SELENOS: variants seen among roughly 807,000 people sequenced by gnomAD.
SELENOS encodes the protein selenoprotein S, also known as VCP interacting membrane selenoprotein.
SELENOS carries 37 observed loss-of-function variants against 30.2 expected under a neutral mutation model. That is an observed-to-expected ratio of 1.23 (90% CI 0.94 to 1.61). SELENOS has a LOEUF of 1.61. Ranked by LOEUF, SELENOS falls within the 40% of genes most tolerant of loss-of-function variation. SELENOS has a pLI of 0.00. For missense variants in SELENOS, 289 were observed against 231.8 expected (o/e 1.25, Z -1.60); for synonymous variants, 119 against 91.6 (o/e 1.30, Z -1.71).
At position 101,272,649 on chromosome 15, in the gene SELENOS, T is replaced by G. The variant is rs1375620314; in HGVS notation, c.*122A>C. 1.0e-6 allele frequency: 1 copy of G among 999,554 alleles called. No homozygotes were observed. The highest frequency in any genetic ancestry group is 1.5e-5 in the South Asian group (1 of 66,698). 61.9% of individuals were successfully genotyped at this position (999,554 alleles called of 1,614,324 possible). On this transcript the variant is annotated 3_prime_UTR_variant, in exon 6 of 6. Coordinates refer to ENST00000526049, the MANE Select transcript of SELENOS (RefSeq NM_018445.6). Reference sequence around the variant, plus strand: ...GGAGCCCTGACATATGCAGGTGTAGTTAGGAACAGAAATCAACCCCACCTC... The same window carrying G: ...GGAGCCCTGACATATGCAGGTGTAGGTAGGAACAGAAATCAACCCCACCTC...
downstream of SELENOS, chr15:101,271,364 G>C (rs764448632): frequency 2.0e-5 from 3 of 152,184 alleles, no homozygotes; most frequent in Non-Finnish European, 2.9e-5. Context: ...AGGGGAGTGA[G>C]GGTCCCAGGG....
chr15:101,276,375 A>T, intron 2 of SELENOS, 166 bp downstream of exon 2: 1 of 874,888 alleles, frequency 1.1e-6, no homozygotes. Flanking sequence ...CAGCCTCCTG[A>T]GCAGCTGGGA....
At chr15:101,271,006 T>C (rs1378466472), downstream of SELENOS, 2 of 152,232 alleles carry the variant, frequency 1.3e-5, no homozygotes, top group Non-Finnish European at 2.9e-5. Context: ...TCACATCTAA[T>C]AGTGTACTTA....
chr15:101,275,795 T>G (rs993614590), intron 2 of SELENOS, among the ~76,000 whole-genome samples: 7 of 151,992 alleles, frequency 4.6e-5, no homozygotes, highest in African/African-American at 1.7e-4. Flanking sequence ...TCTTAAGTAT[T>G]TGTTTCTACA....
At chr15:101,270,871 C>G (rs1279424656), downstream of SELENOS, 4 of 152,176 alleles carry the variant, frequency 2.6e-5, no homozygotes, top group Non-Finnish European at 5.9e-5. Context: ...CCTCCATTAT[C>G]TCCTAATCAT....
Position 101,272,839 on chromosome 15 carries a change from C to T in SELENOS, c.502G>A (p.Gly168Ser). 1 of 1,608,754 alleles carries T rather than the reference C, an allele frequency of 6.2e-7. No homozygotes were observed. The highest frequency in any genetic ancestry group is 8.5e-7 in the Non-Finnish European group (1 of 1,177,634). The change falls in exon 6 of 6, where the codon GGT (glycine) becomes AGT (serine). Residue 168 changes from glycine (G) to serine (S), a missense_variant. Gly to Ser is a moderately conservative substitution (Grantham distance 56). Transcript: ENST00000526049. The part of the protein sequence containing the change: ...LRGGGYNPLS[G>S]EGGGACSWRP... ...CAGGAGCAAGCTCCGCCTCCTTCAC[C>T]AGACAACGGGTTATAACCTGGGAGG...
chr15:101,272,736 T>A lies in SELENOS; in HGVS notation c.*35A>T, dbSNP rs754150642. The A allele has an allele frequency of 1.3e-6, 2 of 1,574,782 alleles. No individual in the cohort carries two copies. Among genetic ancestry groups the A allele is most frequent in the Non-Finnish European group, 1.7e-6 (2 of 1,158,816 alleles). On this transcript the variant is annotated 3_prime_UTR_variant, in exon 6 of 6. Transcript: ENST00000526049. ...AATTGAATCGAGGGTTAAGGGTTCA[T>A]CTTGCTAATGTCAAAAGTGACACTA...
Position 101,277,365 on chromosome 15 carries a change from C to A in SELENOS, c.53G>T (p.Gly18Val). Residue 18 changes from glycine (G) to valine (V), a missense_variant, in exon 1 of 6, where the codon GGG becomes GTG. Transcript: ENST00000526049. ...ACCCGTGGTGTGCAGGAAGCGCAGC[C>A]CCTCGGTCTCCAGGGCCGGCCGCGC... ...LSARPALETEGLRFLHTTVGS... is the reference protein window; with the variant it reads ...LSARPALETEVLRFLHTTVGS... 1 of 1,513,632 alleles carries A rather than the reference C, an allele frequency of 6.6e-7. No homozygotes were observed. Among genetic ancestry groups the A allele is most frequent in the Non-Finnish European group, 8.8e-7 (1 of 1,138,652 alleles). The allele number at this position is 1,513,632 out of a possible 1,614,324, so 93.8% of individuals were successfully genotyped here. A position where few individuals can be genotyped will look rare whatever the true frequency, so the allele number is the denominator to read the frequency against.
chr15:101,276,908 G>GC, intron 1 of SELENOS: 1 of 555,486 alleles, frequency 1.8e-6, no homozygotes, highest in Non-Finnish European at 3.2e-6. Context: ...CAGTTAGAGT[G>GC]TGGAGGGCAC....
chr15:101,276,384 G>T, intron 2 of SELENOS, 157 bp downstream of exon 2: 1 of 983,124 alleles, frequency 1.0e-6, no homozygotes, highest in Non-Finnish European at 1.4e-6. Context: ...GAGCAGCTGG[G>T]ACTACAGGTG....
Position 101,274,288 on chromosome 15 carries a change from T to C in SELENOS, c.484+132A>G, listed in dbSNP as rs997097973. 8 of 1,054,666 alleles carry C rather than the reference T, an allele frequency of 7.6e-6. No homozygotes were observed. In the African/African-American group the frequency reaches 9.5e-5, roughly 13 times the overall value. 65.3% of individuals were successfully genotyped at this position (1,054,666 alleles called of 1,614,324 possible). On this transcript the variant is annotated intron_variant, in intron 5 of 5. Transcript: ENST00000526049. ...GGAGGTGATTTGCATCTGTTTCCTT[T>C]ATTGAATCTTCACAATCCTAAGGAA...
chr15:101,276,752 A>G (rs1200069802), intron 1 of SELENOS, 77 bp from the exon 2 acceptor site: 19 of 1,521,438 alleles, frequency 1.2e-5, no homozygotes, highest in Non-Finnish European at 1.5e-5. Context: ...AACAAACACA[A>G]AGTGTAACTC....
intron 1 of SELENOS, 141 bp from the exon 2 acceptor site, chr15:101,276,816 C>G (rs2039333370): frequency 1.1e-6 from 1 of 936,522 alleles, no homozygotes; most frequent in African/African-American, 1.7e-5. Flanking sequence ...CTAAGTAGAT[C>G]GTTAAAACAC....
At position 101,275,285 on chromosome 15, in the gene SELENOS, T is replaced by C; in HGVS notation, c.288A>G (p.Gln96=). The part of the protein sequence containing the change: ...RLKMQEELNA[Q]VEKHKEKLKQ... Reference sequence around the variant, plus strand: ...TCAGTTTTTCCTTATGCTTTTCAACTTGCGCATTTAGTTCTTCTTGCATTT... The same window carrying C: ...TCAGTTTTTCCTTATGCTTTTCAACCTGCGCATTTAGTTCTTCTTGCATTT... The change falls in exon 3 of 6, where the codon CAA becomes CAG. Residue 96 remains glutamine (Q), a synonymous_variant. Coordinates refer to ENST00000526049, the MANE Select transcript of SELENOS (RefSeq NM_018445.6). 6.4e-7 allele frequency: 1 copy of C among 1,572,956 alleles called. No homozygotes were observed. Among genetic ancestry groups the C allele is most frequent in the South Asian group, 1.2e-5 (1 of 84,856 alleles).
intron 2 of SELENOS, among the ~76,000 whole-genome samples, chr15:101,276,242 CTTTTTTT>C (rs34035984): frequency 1.6e-5 from 2 of 122,498 alleles, no homozygotes; most frequent in South Asian, 2.6e-4. Flanking sequence ...ATACTTCCTA[CTTTTTTT>C]TTTTTTTTTT....
intron 2 of SELENOS, 159 bp downstream of exon 2, chr15:101,276,382 G>C (rs1011847410): frequency 1.1e-6 from 1 of 950,990 alleles, no homozygotes; most frequent in Non-Finnish European, 1.5e-6. Flanking sequence ...CTGAGCAGCT[G>C]GGACTACAGG....
chr15:101,276,488 A>G lies in SELENOS; in HGVS notation c.211+53T>C. Reference sequence around the variant, plus strand: ...TACTTTTACTAAGAGACTAACTCTTAATATAAAGGAGGTGCAAAACCACCG... The same window carrying G: ...TACTTTTACTAAGAGACTAACTCTTGATATAAAGGAGGTGCAAAACCACCG... On this transcript the variant is annotated intron_variant, in intron 2 of 5. Transcript: ENST00000526049. 2.0e-6 allele frequency: 3 copies of G among 1,526,750 alleles called. No homozygotes were observed. In the South Asian group the frequency reaches 3.9e-5, roughly 20 times the overall value. 94.6% of individuals were successfully genotyped at this position (1,526,750 alleles called of 1,614,324 possible). A position where few individuals can be genotyped will look rare whatever the true frequency, so the allele number is the denominator to read the frequency against.
intron 3 of SELENOS, chr15:101,274,931 C>G: frequency 1.7e-6 from 1 of 586,144 alleles, no homozygotes; most frequent in Non-Finnish European, 2.9e-6. Flanking sequence ...TCTTCTGAAA[C>G]TCACTCCTGT....
At chr15:101,275,779 GA>G (rs2039319246) in intron 2 of SELENOS, among the ~76,000 whole-genome samples, 1 of 152,032 alleles carries the variant, frequency 6.6e-6, no homozygotes. Context: ...AATTAGCGCA[GA>G]AGATTCTTAA....
Sources: allele counts gnomAD v4.1 joint callset (sites outside exome capture counted in the v4.1 genomes callset), GRCh38; gene constraint gnomAD v4.1.1; transcripts MANE v1.5; gene names NCBI Gene and HGNC (gene_info 2026-07-23, HGNC 2026-07-21).